Variants in TACR1 observed in about 807,000 individuals in gnomAD.
The protein encoded by TACR1 is tachykinin receptor 1.
A neutral mutation model predicts 35.8 loss-of-function variants in TACR1; 25 were observed. The ratio of observed to expected loss-of-function variants is 0.70; its 90% CI spans 0.51 to 0.98. The LOEUF is 0.98. TACR1 is among the 50% of genes least tolerant of loss of function. The probability of loss-of-function intolerance (pLI) is 0.00; values close to 1 mark genes in which losing one functional copy is unlikely to be tolerated. For synonymous variants in TACR1, 195 were observed against 206.7 expected, an observed-to-expected ratio of 0.94 and a Z score of 0.48; for missense variants, 478 against 522.9, an observed-to-expected ratio of 0.91 and a Z score of 0.84.
intron 1 of TACR1, among the ~76,000 whole-genome samples, chr2:75,159,020 C>T (rs1450311094): frequency 2.0e-5 from 3 of 150,606 alleles, no homozygotes; most frequent in East Asian, 1.9e-4. Flanking sequence ...ACTACAACCA[C>T]TACCTGGTAA....
intron 2 of TACR1, among the ~76,000 whole-genome samples, chr2:75,063,631 T>C (rs533989082): frequency 3.3e-5 from 5 of 152,318 alleles, no homozygotes; most frequent in African/African-American, 1.2e-4. Context: ...TCTGGGTTTT[T>C]CTTCTGTTTC....
In TACR1 at chr2:75,047,587, A is replaced by G. The variant is rs775525608; in HGVS notation, c.*1845T>C. On this transcript the variant is annotated 3_prime_UTR_variant, in exon 5 of 5. Transcript: ENST00000305249. ...TACATTCTTCCAAAGTGAGTAATCC[A>G]TACACAGCAAGATTCTCTATTGGAA... The G allele has an allele frequency of 2.0e-5, 3 of 152,240 alleles. No individual in the cohort carries two copies. The highest frequency in any genetic ancestry group is 4.4e-5 in the Non-Finnish European group (3 of 68,034). The allele number at this position is 152,240 out of a possible 1,614,324, so 9.4% of individuals were successfully genotyped here. A position where few individuals can be genotyped will look rare whatever the true frequency, so the allele number is the denominator to read the frequency against.
intron 1 of TACR1, among the ~76,000 whole-genome samples, chr2:75,141,121 A>G (rs995978293): frequency 6.6e-6 from 1 of 152,094 alleles, no homozygotes; most frequent in Non-Finnish European, 1.5e-5. Flanking sequence ...TAATCTTTTC[A>G]GCTCTCTCTC....
intron 1 of TACR1, among the ~76,000 whole-genome samples, chr2:75,169,940 A>T (rs2193407): frequency 6.6e-6 from 1 of 152,064 alleles, no homozygotes; most frequent in African/African-American, 2.4e-5. Context: ...TTCTGTTTCC[A>T]TTACTACCTT....
chr2:75,145,184 A>C (rs1277665107), intron 1 of TACR1, among the ~76,000 whole-genome samples: 2 of 152,174 alleles, frequency 1.3e-5, no homozygotes, highest in Non-Finnish European at 2.9e-5. Flanking sequence ...AAAGACATTT[A>C]ATAAAAATGT....
chr2:75,183,207 A>G (rs1286958836), intron 1 of TACR1, among the ~76,000 whole-genome samples: 1 of 152,190 alleles, frequency 6.6e-6, no homozygotes, highest in Non-Finnish European at 1.5e-5. Flanking sequence ...GAAGCCAATA[A>G]CTTACATGCA....
intron 1 of TACR1, among the ~76,000 whole-genome samples, chr2:75,130,768 C>G (rs1445756864): frequency 6.6e-6 from 1 of 152,220 alleles, no homozygotes; most frequent in Non-Finnish European, 1.5e-5. Context: ...GCAGCAGCAT[C>G]TACACCAAAA....
At chr2:75,166,205 G>A (rs987320874) in intron 1 of TACR1, among the ~76,000 whole-genome samples, 8 of 152,120 alleles carry the variant, frequency 5.3e-5, no homozygotes, top group African/African-American at 1.2e-4. Flanking sequence ...GGAGAAAAAC[G>A]TGGTCATCTG....
intron 1 of TACR1, among the ~76,000 whole-genome samples, chr2:75,139,932 C>T (rs907888227): frequency 6.6e-6 from 1 of 152,152 alleles, no homozygotes; most frequent in East Asian, 1.9e-4. Flanking sequence ...AAATGTAGCT[C>T]ATTAATTCTA....
chr2:75,062,312 CTAATTA>C (rs146302010), intron 2 of TACR1, among the ~76,000 whole-genome samples: 18,639 of 152,032 alleles, frequency 0.12, 1,435 homozygotes, highest in South Asian at 0.24. Context: ...AAAGGTTTTT[CTAATTA>C]TATCACCTAG....
chr2:75,153,612 T>G (rs987954924), intron 1 of TACR1, among the ~76,000 whole-genome samples: 1 of 152,322 alleles, frequency 6.6e-6, no homozygotes, highest in Admixed American at 6.5e-5. Context: ...AAAATACATC[T>G]CTTAATTCTT....
At chr2:75,061,983 G>A (rs550838491) in intron 2 of TACR1, among the ~76,000 whole-genome samples, 17 of 152,106 alleles carry the variant, frequency 1.1e-4, no homozygotes, top group Non-Finnish European at 2.1e-4. Context: ...TTCCTTCTAG[G>A]CAGAGCCCAT....
intron 1 of TACR1, among the ~76,000 whole-genome samples, chr2:75,148,289 C>T (rs1674592536): frequency 6.6e-6 from 1 of 152,164 alleles, no homozygotes; most frequent in African/African-American, 2.4e-5. Flanking sequence ...CTTGAGGAAT[C>T]ACCACACTGT....
chr2:75,182,021 A>T (rs973173753), intron 1 of TACR1, among the ~76,000 whole-genome samples: 1 of 152,218 alleles, frequency 6.6e-6, no homozygotes, highest in African/African-American at 2.4e-5. Context: ...TGGATCAGTG[A>T]TGTACTCAAG....
chr2:75,153,262 C>T (rs1379335550), intron 1 of TACR1, among the ~76,000 whole-genome samples: 2 of 152,198 alleles, frequency 1.3e-5, no homozygotes, highest in African/African-American at 4.8e-5. Flanking sequence ...AGGAACAATA[C>T]ACAATCACCT....
intron 1 of TACR1, among the ~76,000 whole-genome samples, chr2:75,145,743 C>T (rs1674496785): frequency 6.6e-6 from 1 of 152,188 alleles, no homozygotes. Flanking sequence ...GCATTACATG[C>T]TGCTGAATGG....
At chr2:75,141,999 C>A (rs11894775) in intron 1 of TACR1, among the ~76,000 whole-genome samples, 12,595 of 152,214 alleles carry the variant, frequency 0.083, 1,107 homozygotes, top group African/African-American at 0.22. Context: ...TTGCACTCTA[C>A]TTGATCTTTC....
intron 2 of TACR1, among the ~76,000 whole-genome samples, chr2:75,066,156 A>G (rs1223319509): frequency 6.6e-6 from 1 of 152,228 alleles, no homozygotes; most frequent in Non-Finnish European, 1.5e-5. Flanking sequence ...TTTCATTGTA[A>G]AGGTGTTTCT....
intron 1 of TACR1, among the ~76,000 whole-genome samples, chr2:75,150,746 A>G (rs1290340772): frequency 5.9e-5 from 9 of 152,236 alleles, no homozygotes; most frequent in African/African-American, 9.6e-5. Flanking sequence ...GAACTGGGTA[A>G]CAGGTAGAGA....
Sources: gnomAD v4.1 joint callset for allele counts (sites outside exome capture counted in the v4.1 genomes callset) on GRCh38, gnomAD v4.1.1 for gene constraint, MANE v1.5 for transcripts, NCBI Gene and HGNC (gene_info 2026-07-23, HGNC 2026-07-21) for gene names.